Variants in EIF3H observed in about 807,000 individuals in gnomAD.
EIF3H encodes the protein eIF-3-gamma.
Under a neutral mutation model 44.2 loss-of-function variants are expected in EIF3H, and 26 were observed. That is an observed-to-expected ratio of 0.59 (90% CI 0.43 to 0.82). The LOEUF (loss-of-function observed/expected upper bound fraction) is 0.82, where lower values mean the gene tolerates loss of function less well. EIF3H is among the 40% of genes least tolerant of loss of function. The probability of loss-of-function intolerance (pLI) is 0.00; values close to 1 mark genes in which losing one functional copy is unlikely to be tolerated. For missense variants in EIF3H, 359 were observed against 432.8 expected (o/e 0.83, Z 1.51); for synonymous variants, 166 against 151.9 (o/e 1.09, Z -0.68).
intron 2 of EIF3H, among the ~76,000 whole-genome samples, chr8:116,721,815 G>A (rs921571252): frequency 6.6e-6 from 1 of 152,242 alleles, no homozygotes. Context: ...TCTCCCATTT[G>A]AAATAGGTGG....
chr8:116,766,282 T>C (rs1168955554), upstream of EIF3H: 1 of 283,322 alleles, frequency 3.5e-6, no homozygotes, highest in Non-Finnish European at 6.7e-6. Flanking sequence ...ACGCTAAATG[T>C]ATTCTCGTAA....
At chr8:116,675,693 T>C (rs1479680412) in intron 2 of EIF3H, among the ~76,000 whole-genome samples, 1 of 152,212 alleles carries the variant, frequency 6.6e-6, no homozygotes, top group East Asian at 1.9e-4. Context: ...TGATCCACTT[T>C]TGAGAGGGGA....
intron 4 of EIF3H, 29 bp downstream of exon 4, chr8:116,657,186 C>G (rs557590010): frequency 9.6e-6 from 15 of 1,559,516 alleles, no homozygotes; most frequent in Non-Finnish European, 1.2e-5. Context: ...AAATACCCAA[C>G]CCTTTACCAG....
At chr8:116,673,300 C>T (rs1026616340) in intron 2 of EIF3H, among the ~76,000 whole-genome samples, 9 of 152,188 alleles carry the variant, frequency 5.9e-5, no homozygotes, top group African/African-American at 1.9e-4. Context: ...GTCTAAGAAA[C>T]ACACTATATC....
At chr8:116,659,065 T>G (rs955883327) in intron 2 of EIF3H, 85 bp from the exon 3 acceptor site, 2 of 1,162,716 alleles carry the variant, frequency 1.7e-6, no homozygotes, top group African/African-American at 3.2e-5. Flanking sequence ...TGGAAACAAA[T>G]GTCTACATAA....
At chr8:116,721,345 G>C (rs1265841670) in intron 2 of EIF3H, among the ~76,000 whole-genome samples, 1 of 152,210 alleles carries the variant, frequency 6.6e-6, no homozygotes, top group Non-Finnish European at 1.5e-5. Flanking sequence ...AAATTTCAGA[G>C]GATGTACGGA....
intron 3 of EIF3H, chr8:116,657,893 G>A (rs542732135): frequency 1.1e-3 from 166 of 152,904 alleles, no homozygotes; most frequent in Non-Finnish European, 1.9e-3. Flanking sequence ...CACTCCATGA[G>A]TAAGGGAGCT....
chr8:116,724,176 C>A (rs142163074), intron 2 of EIF3H, among the ~76,000 whole-genome samples: 1 of 152,122 alleles, frequency 6.6e-6, no homozygotes, highest in Admixed American at 6.5e-5. Flanking sequence ...TGATCTTTAA[C>A]GAGGGTGCCA....
At chr8:116,754,850 T>C (rs1815414259) in intron 1 of EIF3H, among the ~76,000 whole-genome samples, 1 of 152,240 alleles carries the variant, frequency 6.6e-6, no homozygotes, top group Non-Finnish European at 1.5e-5. Flanking sequence ...TTCACATGAA[T>C]TTAAAAGTAC....
chr8:116,740,247 G>A (rs1012342512), intron 1 of EIF3H, among the ~76,000 whole-genome samples: 5 of 152,180 alleles, frequency 3.3e-5, no homozygotes, highest in South Asian at 2.1e-4. Context: ...TTTATGTCAC[G>A]AAGTCTCTCA....
rs1563659914 is a variant in EIF3H, at chr8:116,743,796, ATAAACAC to A, written c.132+11863_132+11869del. Among the ~76,000 whole-genome samples the A allele has an allele frequency of 8.1e-3, 797 of 98,874 alleles. 3 individuals carry two copies. The highest frequency in any genetic ancestry group is 0.015 in the Middle Eastern group (3 of 206). 64.9% of individuals were successfully genotyped at this position (98,874 alleles called of 152,430 possible). On this transcript the variant is annotated intron_variant, in intron 1 of 7. Transcript: ENST00000521861. ...TATATATATATATATATATATATAT[ATAAACAC>A]ACACACACACACACACACACACACA...
intron 2 of EIF3H, among the ~76,000 whole-genome samples, chr8:116,680,536 T>C (rs1182035702): frequency 5.7e-5 from 5 of 86,994 alleles, no homozygotes; most frequent in African/African-American, 1.7e-4. Context: ...TCCCCAACCC[T>C]GTGCTCTCTG....
In EIF3H at chr8:116,658,806, T is replaced by C. The variant is rs748270128; in HGVS notation, c.457+7A>G. The stretch of plus-strand genomic sequence containing the variant: ...AGGGAAAAAAGAATAATAAACCTCC[T>C]ACTAACCATAAATGAGAACGACAGA... On this transcript the variant is annotated splice_region_variant and intron_variant, in intron 3 of 7. Coordinates refer to ENST00000521861, the MANE Select transcript of EIF3H (RefSeq NM_003756.3). The C allele has an allele frequency of 5.7e-5, 92 of 1,607,726 alleles. No homozygotes were observed. Among genetic ancestry groups the C allele is most frequent in the Non-Finnish European group, 7.3e-5 (86 of 1,178,246 alleles).
At chr8:116,720,709 G>A (rs911028470) in intron 2 of EIF3H, among the ~76,000 whole-genome samples, 1 of 152,114 alleles carries the variant, frequency 6.6e-6, no homozygotes, top group African/African-American at 2.4e-5. Flanking sequence ...AATGCATAAC[G>A]AAAATCCAGG....
At chr8:116,697,457 A>G (rs1037657190) in intron 2 of EIF3H, among the ~76,000 whole-genome samples, 2 of 152,186 alleles carry the variant, frequency 1.3e-5, no homozygotes, top group African/African-American at 4.8e-5. Flanking sequence ...CTGGGAACAA[A>G]GAAGTCCAGT....
At chr8:116,738,357 A>G (rs903431145) in intron 1 of EIF3H, among the ~76,000 whole-genome samples, 3 of 152,204 alleles carry the variant, frequency 2.0e-5, no homozygotes, top group African/African-American at 7.2e-5. Context: ...TGAAAGGATG[A>G]GAAAAAGAAG....
chr8:116,687,690 A>C (rs1814099724), intron 2 of EIF3H, among the ~76,000 whole-genome samples: 2 of 152,182 alleles, frequency 1.3e-5, no homozygotes, highest in African/African-American at 4.8e-5. Flanking sequence ...AATAATTTTC[A>C]AATCTATGGT....
intron 2 of EIF3H, among the ~76,000 whole-genome samples, chr8:116,714,419 T>C (rs1257422441): frequency 6.6e-6 from 1 of 152,114 alleles, no homozygotes; most frequent in Non-Finnish European, 1.5e-5. Flanking sequence ...ATGTACACAC[T>C]TGTCTCTCCC....
upstream of EIF3H, among the ~76,000 whole-genome samples, chr8:116,759,914 A>G (rs553632160): frequency 1.4e-4 from 21 of 152,268 alleles, 1 homozygote; most frequent in South Asian, 3.9e-3. Context: ...TACTTTTTGT[A>G]GATAACCAGT....
Sources: gnomAD v4.1 joint callset for allele counts (sites outside exome capture counted in the v4.1 genomes callset) on GRCh38, gnomAD v4.1.1 for gene constraint, MANE v1.5 for transcripts, NCBI Gene and HGNC (gene_info 2026-07-23, HGNC 2026-07-21) for gene names.